OPHN1: variants seen among roughly 807,000 people sequenced by gnomAD.
The protein encoded by OPHN1 is oligophrenin 1, also known as oligophrenin-1.
In OPHN1, 11 loss-of-function variants were observed where a neutral mutation model predicts 60.7. The ratio of observed to expected loss-of-function variants is 0.18; its 90% CI spans 0.11 to 0.30. OPHN1 has a LOEUF of 0.30. Ranked by LOEUF, OPHN1 falls within the 10% of genes least tolerant of loss-of-function variation. The probability of loss-of-function intolerance (pLI) is 1.00; values close to 1 mark genes in which losing one functional copy is unlikely to be tolerated. For synonymous variants in OPHN1, 226 were observed against 222.6 expected, an observed-to-expected ratio of 1.02 and a Z score of -0.14; for missense variants, 449 against 611.0, an observed-to-expected ratio of 0.73 and a Z score of 2.80.
chrX:68,079,179 C>T (rs926301129), intron 19 of OPHN1, among the ~76,000 whole-genome samples: 1 of 110,411 alleles, frequency 9.1e-6, no homozygotes, highest in Non-Finnish European at 1.9e-5. Flanking sequence ...AGGGACCTTC[C>T]TCCATCATTC....
chrX:68,206,676 A>G lies in OPHN1; in HGVS notation c.833-3T>C, dbSNP rs1602234874. On this transcript the variant is annotated splice_region_variant and splice_polypyrimidine_tract_variant and intron_variant, in intron 9 of 24. Transcript: ENST00000355520. Reference sequence around the variant, plus strand: ...CACCCAGGATATTCCTAAAGCCCCTACAAGGACAAGTAAAAGTGAGCAGAC... The same window carrying G: ...CACCCAGGATATTCCTAAAGCCCCTGCAAGGACAAGTAAAAGTGAGCAGAC... 1 of 1,159,857 alleles carries G rather than the reference A, an allele frequency of 8.6e-7. No individual in the cohort carries two copies. The highest frequency in any genetic ancestry group is 3.0e-5 in the East Asian group (1 of 33,659).
chrX:68,093,509 G>A (rs2077026290), intron 19 of OPHN1, among the ~76,000 whole-genome samples: 1 of 111,233 alleles, frequency 9.0e-6, no homozygotes, highest in Non-Finnish European at 1.9e-5. Context: ...CTGTTTTCCA[G>A]AGCAGCCGCC....
intron 5 of OPHN1, among the ~76,000 whole-genome samples, chrX:68,268,410 T>C (rs2077945523): frequency 8.9e-6 from 1 of 111,908 alleles, no homozygotes; most frequent in Non-Finnish European, 1.9e-5. Flanking sequence ...GTGGGCTTCA[T>C]CCCTGGGATG....
At chrX:68,353,830 CA>C (rs1412473587) in intron 2 of OPHN1, among the ~76,000 whole-genome samples, 1 of 111,427 alleles carries the variant, frequency 9.0e-6, no homozygotes, top group African/African-American at 3.3e-5. Flanking sequence ...AGCTACACCA[CA>C]AGGCATAAAT....
At chrX:68,172,836 A>G (rs2077397729) in intron 15 of OPHN1, among the ~76,000 whole-genome samples, 1 of 111,319 alleles carries the variant, frequency 9.0e-6, no homozygotes. Flanking sequence ...ATCCGTTCTG[A>G]ATATAAGTTT....
At chrX:68,069,610 A>C (rs954253660) in intron 20 of OPHN1, among the ~76,000 whole-genome samples, 2 of 110,799 alleles carry the variant, frequency 1.8e-5, no homozygotes, top group Non-Finnish European at 3.8e-5. Context: ...AATCAAATAG[A>C]TTTTACATTC....
At chrX:68,380,141 T>C (rs7891501) in intron 2 of OPHN1, among the ~76,000 whole-genome samples, 1 of 111,340 alleles carries the variant, frequency 9.0e-6, no homozygotes, top group African/African-American at 3.3e-5. Flanking sequence ...TTCAACTTCT[T>C]CCTGGTTTAA....
At position 68,052,592 on chromosome X, in the gene OPHN1, T is replaced by G; in HGVS notation, c.2325-2A>C. ...AAAAACCTGGTCCTGGAAGCCACCCTGCAAACAGAAGCCAACCAAGTCCCA... is the reference window on the plus strand; with the variant it reads ...AAAAACCTGGTCCTGGAAGCCACCCGGCAAACAGAAGCCAACCAAGTCCCA... On this transcript the variant is annotated splice_acceptor_variant, in intron 22 of 24. Coordinates refer to ENST00000355520, the MANE Select transcript of OPHN1 (RefSeq NM_002547.3). LOFTEE classifies it high-confidence loss of function. 8.3e-7 allele frequency: 1 copy of G among 1,206,670 alleles called. No homozygotes were observed. Among genetic ancestry groups the G allele is most frequent in the Non-Finnish European group, 1.1e-6 (1 of 892,632 alleles).
chrX:68,432,768 G>C (rs1447058578), intron 2 of OPHN1, 99 bp downstream of exon 2: 2 of 968,125 alleles, frequency 2.1e-6, no homozygotes, highest in Non-Finnish European at 1.5e-6. Flanking sequence ...ATCTGGGCTG[G>C]GAGTCACCCT....
intron 18 of OPHN1, among the ~76,000 whole-genome samples, chrX:68,104,628 C>T (rs1409538412): frequency 3.6e-5 from 4 of 111,901 alleles, no homozygotes; most frequent in African/African-American, 1.3e-4. Flanking sequence ...AAAACTGAAA[C>T]TGGACCCCTT....
At chrX:68,316,519 C>G (rs1464753564) in intron 2 of OPHN1, among the ~76,000 whole-genome samples, 1 of 111,946 alleles carries the variant, frequency 8.9e-6, no homozygotes, top group Non-Finnish European at 1.9e-5. Flanking sequence ...ATGGGCCTCA[C>G]TGAGCTACAA....
chrX:68,256,420 A>G (rs985629545), intron 5 of OPHN1, among the ~76,000 whole-genome samples: 11 of 111,815 alleles, frequency 9.8e-5, no homozygotes, highest in African/African-American at 3.6e-4. Context: ...CTTTTCATTA[A>G]AAAGAAAAGT....
chrX:68,388,409 G>A (rs770216159), intron 2 of OPHN1, among the ~76,000 whole-genome samples: 1 of 105,088 alleles, frequency 9.5e-6, no homozygotes, highest in South Asian at 4.5e-4. Flanking sequence ...GCAGTGAGCC[G>A]AGATCGCCCC....
At chrX:68,230,912 A>AT (rs2077725500) in intron 6 of OPHN1, among the ~76,000 whole-genome samples, 1 of 111,755 alleles carries the variant, frequency 8.9e-6, no homozygotes, top group Non-Finnish European at 1.9e-5. Flanking sequence ...TTAAAGTATA[A>AT]TAAAAAAAAG....
intron 2 of OPHN1, among the ~76,000 whole-genome samples, chrX:68,362,111 G>T (rs545492819): frequency 1.8e-5 from 2 of 111,582 alleles, no homozygotes; most frequent in African/African-American, 6.5e-5. Flanking sequence ...TACATATTTT[G>T]GATATTAAAC....
intron 19 of OPHN1, among the ~76,000 whole-genome samples, chrX:68,094,510 T>C (rs747621395): frequency 5.4e-5 from 6 of 112,060 alleles, no homozygotes; most frequent in Admixed American, 1.9e-4. Flanking sequence ...TTTTAAAGAA[T>C]TGACATCTTT....
intron 2 of OPHN1, among the ~76,000 whole-genome samples, chrX:68,420,608 A>G (rs1254131646): frequency 9.0e-6 from 1 of 111,063 alleles, no homozygotes; most frequent in Non-Finnish European, 1.9e-5. Flanking sequence ...GGAAAGATCT[A>G]TTATAGAAGG....
At chrX:68,294,696 T>C (rs59621370) in intron 3 of OPHN1, among the ~76,000 whole-genome samples, 6,080 of 110,280 alleles carry the variant, frequency 0.055, 422 homozygotes, top group African/African-American at 0.19. Context: ...CAGGCTCTAA[T>C]AGTAAATCTG....
At chrX:68,317,155 C>T (rs1177176636) in intron 2 of OPHN1, among the ~76,000 whole-genome samples, 2 of 106,334 alleles carry the variant, frequency 1.9e-5, no homozygotes, top group East Asian at 2.9e-4. Context: ...ATGAAATTAG[C>T]CTGGCGTGGT....
Sources: gnomAD v4.1 joint callset for allele counts (sites outside exome capture counted in the v4.1 genomes callset) on GRCh38, gnomAD v4.1.1 for gene constraint, MANE v1.5 for transcripts, NCBI Gene and HGNC (gene_info 2026-07-23, HGNC 2026-07-21) for gene names.